MYO6: variants seen among roughly 807,000 people sequenced by gnomAD.
MYO6 encodes the protein unconventional myosin-VI.
MYO6 carries 74 observed loss-of-function variants against 178.7 expected under a neutral mutation model. The ratio of observed to expected loss-of-function variants is 0.41; its 90% confidence interval spans 0.34 to 0.50. MYO6 has a LOEUF of 0.50. Among genes scored for constraint, MYO6 ranks in the 20% least tolerant of loss-of-function variants. MYO6 has a pLI of 0.09. For synonymous variants in MYO6, 477 were observed against 504.6 expected (o/e 0.95, Z 0.73); for missense variants, 1,330 against 1,547.4 (o/e 0.86, Z 2.36).
At chr6:75,774,443 A>C (rs1766179183) in intron 1 of MYO6, among the ~76,000 whole-genome samples, 1 of 152,176 alleles carries the variant, frequency 6.6e-6, no homozygotes, top group Non-Finnish European at 1.5e-5. Context: ...CTGTCTTTCT[A>C]CCACTAAATT....
chr6:75,895,675 A>G (rs1400254907), intron 29 of MYO6, among the ~76,000 whole-genome samples: 1 of 150,862 alleles, frequency 6.6e-6, no homozygotes, highest in Non-Finnish European at 1.5e-5. Flanking sequence ...GCACCACCAC[A>G]CTCAGCTAAT....
intron 1 of MYO6, among the ~76,000 whole-genome samples, chr6:75,809,941 G>A (rs1770522640): frequency 6.6e-6 from 1 of 150,958 alleles, no homozygotes; most frequent in African/African-American, 2.4e-5. Context: ...AAAATTAGCT[G>A]GGCGTTGTGG....
intron 1 of MYO6, among the ~76,000 whole-genome samples, chr6:75,784,776 CAAAAAAAAAAAAA>C (rs754218278): frequency 0.33 from 17,819 of 54,448 alleles, 1,354 homozygotes; most frequent in Middle Eastern, 0.45. Context: ...GACTCCGTCT[CAAAAAAAAAAAAA>C]AAAAAAAAAA....
rs906441413 is a variant in MYO6 at position 75,835,642 on chromosome 6, G to T, written c.498-259G>T. Among the ~76,000 whole-genome samples the T allele has an allele frequency of 3.3e-5, 5 of 152,202 alleles. No homozygotes were observed. The East Asian group carries it at 9.6e-4, about 29-fold the overall frequency. ...AGAAGGGGTTTCACCATGTTGGCCA[G>T]GCTGGTCTCGAACTCCTGACCTCAG... On this transcript the variant is annotated intron_variant, in intron 6 of 34. Transcript: ENST00000369977.
At chr6:75,899,321 GTATAT>G (rs768607316) in intron 30 of MYO6, among the ~76,000 whole-genome samples, 8 of 151,970 alleles carry the variant, frequency 5.3e-5, no homozygotes, top group East Asian at 1.9e-4. Context: ...TTATAAAACT[GTATAT>G]TATGTCAATT....
chr6:75,890,059 C>T lies in MYO6; in HGVS notation c.2661C>T (p.Ser887=), dbSNP rs1305768282. ...SIDTLMAKIK[S]TMMTQEQIQK... is the part of the protein sequence containing the mutation. ...CCTATTTATTTTATTTTTTAAAGTC[C>T]ACTATGATGACGCAGGAACAAATCC... Residue 887 remains serine (S), a splice_region_variant and synonymous_variant, in exon 26 of 35, where the codon TCC becomes TCT. Coordinates refer to ENST00000369977, the MANE Select transcript of MYO6 (RefSeq NM_004999.4). The T allele has an allele frequency of 6.2e-7, 1 of 1,607,954 alleles. No individual in the cohort carries two copies. The highest frequency in any genetic ancestry group is 8.5e-7 in the Non-Finnish European group (1 of 1,175,506).
At chr6:75,896,980 T>C (rs1779355900) in intron 29 of MYO6, among the ~76,000 whole-genome samples, 1 of 152,250 alleles carries the variant, frequency 6.6e-6, no homozygotes, top group Non-Finnish European at 1.5e-5. Flanking sequence ...TGTTGCAGTG[T>C]ATTGGTCTAG....
chr6:75,755,992 G>A (rs1045108052), intron 1 of MYO6, among the ~76,000 whole-genome samples: 31 of 152,150 alleles, frequency 2.0e-4, no homozygotes, highest in African/African-American at 7.2e-4. Flanking sequence ...CCTATCTGTC[G>A]AAGACTCCCA....
At chr6:75,770,676 CA>C (rs1252588846) in intron 1 of MYO6, among the ~76,000 whole-genome samples, 50 of 152,276 alleles carry the variant, frequency 3.3e-4, no homozygotes, top group African/African-American at 1.1e-3. Context: ...GGGGCTTCGC[CA>C]TGTTAAATAG....
intron 2 of MYO6, among the ~76,000 whole-genome samples, chr6:75,818,031 C>T (rs1036006953): frequency 1.1e-4 from 17 of 152,000 alleles, no homozygotes; most frequent in Non-Finnish European, 5.9e-5. Context: ...TGTCTGTGAT[C>T]GACATGTCAC....
intron 1 of MYO6, among the ~76,000 whole-genome samples, chr6:75,798,748 G>T (rs1377987392): frequency 6.6e-6 from 1 of 152,156 alleles, no homozygotes; most frequent in African/African-American, 2.4e-5. Flanking sequence ...TATTCTGGAA[G>T]TCCTAGCCAG....
At chr6:75,908,341 A>C (rs1214311081) in intron 31 of MYO6, among the ~76,000 whole-genome samples, 155 bp from the exon 32 acceptor site, 1 of 152,204 alleles carries the variant, frequency 6.6e-6, no homozygotes, top group African/African-American at 2.4e-5. Context: ...AATATTATAA[A>C]ATGCTTATCC....
chr6:75,913,067 A>G (rs1780882299), intron 33 of MYO6, among the ~76,000 whole-genome samples: 1 of 152,100 alleles, frequency 6.6e-6, no homozygotes, highest in South Asian at 2.1e-4. Context: ...TGTACATTTT[A>G]CAATATTTCT....
intron 1 of MYO6, among the ~76,000 whole-genome samples, chr6:75,763,906 A>AT (rs1326362060): frequency 3.3e-5 from 5 of 152,352 alleles, no homozygotes; most frequent in African/African-American, 1.2e-4. Flanking sequence ...TGTAGTTAAT[A>AT]TAATGCTAAT....
At chr6:75,756,599 C>T (rs530370077) in intron 1 of MYO6, among the ~76,000 whole-genome samples, 3 of 152,256 alleles carry the variant, frequency 2.0e-5, no homozygotes, top group African/African-American at 7.2e-5. Context: ...TCCCAAACTG[C>T]TGAGATTACA....
In MYO6 at chr6:75,861,088, C is replaced by T. The variant is rs1776171911; in HGVS notation, c.1539C>T (p.Asp513=). 1 of 1,607,314 alleles carries T rather than the reference C, an allele frequency of 6.2e-7. No homozygotes were observed. The highest frequency in any genetic ancestry group is 1.7e-5 in the Admixed American group (1 of 59,952). ...VNEVHYVDNQ[D]CIDLIEAKLV... is the part of the protein sequence containing the mutation. ...AAGTGCATTATGTGGATAATCAGGA[C>T]TGTATAGGTATGTGTTTTTTAACTC... The change falls in exon 15 of 35, where the codon GAC becomes GAT. Residue 513 remains aspartate, a synonymous_variant. Coordinates refer to ENST00000369977, the MANE Select transcript of MYO6 (RefSeq NM_004999.4).
At chr6:75,781,810 C>T (rs905910492) in intron 1 of MYO6, among the ~76,000 whole-genome samples, 10 of 144,850 alleles carry the variant, frequency 6.9e-5, no homozygotes, top group East Asian at 2.1e-4. Flanking sequence ...CCCAGTTATT[C>T]GGGCGGCTGA....
chr6:75,834,643 C>A lies in MYO6; in HGVS notation c.498-1258C>A, dbSNP rs534741515. ...CATGAGGTTAGATCTAGTGGTTGAA[C>A]TACTGCTAGGAGCAGCATACTCACC... On this transcript the variant is annotated intron_variant, in intron 6 of 34. Transcript: ENST00000369977. Among the ~76,000 whole-genome samples, 10 of 152,264 alleles carry A rather than the reference C, an allele frequency of 6.6e-5. No homozygotes were observed. The East Asian group carries it at 1.9e-3, about 29-fold the overall frequency.
Position 75,866,508 on chromosome 6 carries a change from A to T in MYO6, c.1675-18A>T. 6.4e-7 allele frequency: 1 copy of T among 1,558,806 alleles called. No homozygotes were observed. ...TATTTTTGATCATTTAATAACTCAT[A>T]TATGTATTGTTTTTCAGATTCCCAG... On this transcript the variant is annotated intron_variant, in intron 16 of 34. Transcript: ENST00000369977.
Sources: gnomAD v4.1 joint callset for allele counts (sites outside exome capture counted in the v4.1 genomes callset) on GRCh38, gnomAD v4.1.1 for gene constraint, MANE v1.5 for transcripts, NCBI Gene and HGNC (gene_info 2026-07-23, HGNC 2026-07-21) for gene names.